SORCS2: variants seen among roughly 807,000 people sequenced by gnomAD.
SORCS2 encodes VPS10 domain-containing receptor SorCS2.
Under a neutral mutation model 141.6 loss-of-function variants are expected in SORCS2, and 100 were observed. The observed-to-expected ratio is 0.71, with a 90% CI of 0.60 to 0.83. SORCS2 has a LOEUF of 0.83. SORCS2 is among the 40% of genes least tolerant of loss of function. The probability of loss-of-function intolerance (pLI) is 0.00; values close to 1 mark genes in which losing one functional copy is unlikely to be tolerated. For missense variants in SORCS2, 1,646 were observed against 1,560.2 expected, an observed-to-expected ratio of 1.05 and a Z score of -0.93; for synonymous variants, 789 against 676.9, an observed-to-expected ratio of 1.17 and a Z score of -2.57.
At chr4:7,242,658 G>GCCCAC (rs1560134950) in intron 1 of SORCS2, among the ~76,000 whole-genome samples, 1 of 152,052 alleles carries the variant, frequency 6.6e-6, no homozygotes, top group African/African-American at 2.4e-5. Flanking sequence ...TCCCAAGCCC[G>GCCCAC]CCCACACTTC....
intron 3 of SORCS2, among the ~76,000 whole-genome samples, chr4:7,565,467 A>C (rs538191640): frequency 6.6e-6 from 1 of 152,328 alleles, no homozygotes; most frequent in East Asian, 1.9e-4. Flanking sequence ...AATAATGATG[A>C]TGAAAATGAT....
chr4:7,724,553 GGGA>G (rs1401234562), intron 19 of SORCS2, among the ~76,000 whole-genome samples: 2 of 111,188 alleles, frequency 1.8e-5, no homozygotes, highest in East Asian at 7.2e-4. Context: ...TAGTAGTGGT[GGGA>G]ATGGATGGTG....
intron 1 of SORCS2, among the ~76,000 whole-genome samples, chr4:7,273,561 C>T (rs549518990): frequency 6.6e-6 from 1 of 152,248 alleles, no homozygotes; most frequent in East Asian, 1.9e-4. Context: ...GGGTGGACGT[C>T]CAGGGGTAAG....
chr4:7,568,459 G>A (rs751423030), intron 3 of SORCS2, among the ~76,000 whole-genome samples: 7 of 152,052 alleles, frequency 4.6e-5, no homozygotes, highest in South Asian at 2.1e-4. Flanking sequence ...GTGCACTTGC[G>A]ATGTGCTACA....
intron 1 of SORCS2, among the ~76,000 whole-genome samples, chr4:7,319,358 C>A (rs751456719): frequency 1.3e-5 from 2 of 152,038 alleles, no homozygotes; most frequent in Non-Finnish European, 2.9e-5. Context: ...GCCTAAGGAA[C>A]AAATTGGACC....
chr4:7,740,955 C>T lies in SORCS2; in HGVS notation c.*691C>T, dbSNP rs1288427975. The T allele has an allele frequency of 2.5e-6, 1 of 398,098 alleles. No homozygotes were observed. Among genetic ancestry groups the T allele is most frequent in the Non-Finnish European group, 4.4e-6 (1 of 226,380 alleles). 24.7% of individuals were successfully genotyped at this position (398,098 alleles called of 1,614,324 possible). A position where few individuals can be genotyped will look rare whatever the true frequency, so the allele number is the denominator to read the frequency against. ...CCCTTTCCCTGAGTGCCCAGGGTGT[C>T]TCCTCTGCCCAGAGGGGCAGCAGCT... On this transcript the variant is annotated 3_prime_UTR_variant, in exon 27 of 27. Transcript: ENST00000507866.
intron 2 of SORCS2, among the ~76,000 whole-genome samples, chr4:7,522,351 GC>G (rs1560353108): frequency 2.0e-5 from 3 of 152,250 alleles, no homozygotes; most frequent in Non-Finnish European, 4.4e-5. Flanking sequence ...CAGCAGTTAA[GC>G]AGCCGATTTG....
At chr4:7,334,953 C>T (rs1017723721) in intron 1 of SORCS2, among the ~76,000 whole-genome samples, 34 of 151,902 alleles carry the variant, frequency 2.2e-4, no homozygotes, top group Admixed American at 3.9e-4. Flanking sequence ...GATTAGGAGA[C>T]GGGTGTGGAG....
chr4:7,719,418 C>T (rs1008253767), intron 18 of SORCS2, among the ~76,000 whole-genome samples: 1 of 151,154 alleles, frequency 6.6e-6, no homozygotes, highest in Non-Finnish European at 1.5e-5. Flanking sequence ...AACTGAGGCT[C>T]GGACAGAGAA....
At chr4:7,472,681 C>T (rs1004179403) in intron 2 of SORCS2, among the ~76,000 whole-genome samples, 20 of 152,238 alleles carry the variant, frequency 1.3e-4, no homozygotes, top group Middle Eastern at 3.4e-3. Flanking sequence ...AAGTGGGAGG[C>T]GGCAAGGGGA....
chr4:7,298,937 T>C (rs1208342884), intron 1 of SORCS2, among the ~76,000 whole-genome samples: 1 of 152,112 alleles, frequency 6.6e-6, no homozygotes, highest in Non-Finnish European at 1.5e-5. Context: ...ACAAGGCCGG[T>C]GGGAAGATAA....
chr4:7,378,648 A>C (rs1722806296), intron 1 of SORCS2, among the ~76,000 whole-genome samples: 1 of 152,116 alleles, frequency 6.6e-6, no homozygotes, highest in Non-Finnish European at 1.5e-5. Context: ...ATTCAAGGTG[A>C]GATTTAGGTG....
At chr4:7,385,485 G>A (rs936599243) in intron 1 of SORCS2, among the ~76,000 whole-genome samples, 13 of 152,206 alleles carry the variant, frequency 8.5e-5, no homozygotes, top group Non-Finnish European at 1.6e-4. Flanking sequence ...TTCCGAGCCT[G>A]TTGTCCTAGC....
chr4:7,372,210 G>A (rs1722301387), intron 1 of SORCS2, among the ~76,000 whole-genome samples: 1 of 152,204 alleles, frequency 6.6e-6, no homozygotes, highest in Admixed American at 6.5e-5. Flanking sequence ...TAAGTTGGGT[G>A]TTTGTAAGTC....
intron 1 of SORCS2, among the ~76,000 whole-genome samples, chr4:7,363,449 T>C (rs544432272): frequency 1.4e-5 from 2 of 145,088 alleles, no homozygotes; most frequent in East Asian, 4.7e-4. Flanking sequence ...ATCACCACCA[T>C]TGTGGTGTAT....
At chr4:7,366,399 C>T (rs1267515556) in intron 1 of SORCS2, among the ~76,000 whole-genome samples, 1 of 151,850 alleles carries the variant, frequency 6.6e-6, no homozygotes. Flanking sequence ...GGATCCTGCT[C>T]CCCTGGCTCA....
chr4:7,364,547 C>T (rs1004480663), intron 1 of SORCS2, among the ~76,000 whole-genome samples: 1 of 152,092 alleles, frequency 6.6e-6, no homozygotes, highest in African/African-American at 2.4e-5. Flanking sequence ...GCAGTCTCCT[C>T]CTTCCTTGGG....
At chr4:7,549,375 G>A (rs1298181944) in intron 3 of SORCS2, among the ~76,000 whole-genome samples, 1 of 151,856 alleles carries the variant, frequency 6.6e-6, no homozygotes, top group East Asian at 1.9e-4. Flanking sequence ...GTCCCAGCTT[G>A]GACAGCATTC....
chr4:7,329,827 C>T (rs2108964041), intron 1 of SORCS2, among the ~76,000 whole-genome samples: 1 of 152,288 alleles, frequency 6.6e-6, no homozygotes, highest in Non-Finnish European at 1.5e-5. Flanking sequence ...CCAGGCTCAG[C>T]CACGGTGTTT....
Sources: allele counts gnomAD v4.1 joint callset (sites outside exome capture counted in the v4.1 genomes callset), GRCh38; gene constraint gnomAD v4.1.1; transcripts MANE v1.5; gene names NCBI Gene and HGNC (gene_info 2026-07-23, HGNC 2026-07-21).